Variants in DNAH7 observed in about 807,000 individuals in gnomAD.
DNAH7 encodes dynein axonemal heavy chain 7.
Under a neutral mutation model 444.6 loss-of-function variants are expected in DNAH7, and 397 were observed. That is an observed-to-expected ratio of 0.89 (90% confidence interval 0.82 to 0.97). DNAH7 has a LOEUF of 0.97. DNAH7 is among the 50% of genes least tolerant of loss of function. DNAH7 has a pLI of 0.00. For missense variants in DNAH7, 4,902 were observed against 4,800.8 expected, an observed-to-expected ratio of 1.02 and a Z score of -0.62; for synonymous variants, 1,636 against 1,624.4, an observed-to-expected ratio of 1.01 and a Z score of -0.17.
chr2:195,865,411 T>A (rs941056674), intron 40 of DNAH7, among the ~76,000 whole-genome samples: 2 of 152,192 alleles, frequency 1.3e-5, no homozygotes, highest in Non-Finnish European at 2.9e-5. Flanking sequence ...GTTTCCTTTT[T>A]CTAAGATAGA....
intron 61 of DNAH7, among the ~76,000 whole-genome samples, chr2:195,764,007 T>C (rs754968630): frequency 6.6e-6 from 1 of 151,866 alleles, no homozygotes; most frequent in Non-Finnish European, 1.5e-5. Context: ...AACAAAATAC[T>C]AGCAAACTGA....
intron 13 of DNAH7, 142 bp downstream of exon 13, chr2:195,987,815 A>T: frequency 1.2e-6 from 1 of 824,332 alleles, no homozygotes; most frequent in Non-Finnish European, 1.8e-6. Flanking sequence ...CCACAATGCT[A>T]GGGACACATC....
At chr2:195,780,618 G>A (rs1695324130) in intron 58 of DNAH7, among the ~76,000 whole-genome samples, 1 of 151,946 alleles carries the variant, frequency 6.6e-6, no homozygotes. Flanking sequence ...ATGTGGTGGA[G>A]CAAGCACCTG....
chr2:195,792,979 G>C (rs899253469), intron 57 of DNAH7, among the ~76,000 whole-genome samples: 1 of 152,084 alleles, frequency 6.6e-6, no homozygotes, highest in Non-Finnish European at 1.5e-5. Flanking sequence ...ACCCAGGCTG[G>C]AGTGCAGTGG....
intron 63 of DNAH7, among the ~76,000 whole-genome samples, chr2:195,749,586 T>C (rs1006060025): frequency 2.6e-5 from 4 of 151,774 alleles, no homozygotes; most frequent in Admixed American, 2.0e-4. Flanking sequence ...CCAACCCAAA[T>C]GTCCAACAAT....
At chr2:196,019,370 ATTAT>A (rs1695230145) in intron 8 of DNAH7, 75 bp from the exon 9 acceptor site, 3 of 1,200,472 alleles carry the variant, frequency 2.5e-6, no homozygotes, top group African/African-American at 3.1e-5. Context: ...TTGGGTAATA[ATTAT>A]TTAATTTTAA....
Position 196,047,456 on chromosome 2 carries a change from G to C in DNAH7, c.294C>G (p.His98Gln), listed in dbSNP as rs1480653065. The change falls in exon 5 of 65, where the codon CAC becomes CAG. Residue 98 changes from histidine (H) to glutamine (Q), a missense_variant. Physicochemically the swap from His to Gln is conservative, Grantham distance 24. Coordinates refer to ENST00000312428, the MANE Select transcript of DNAH7 (RefSeq NM_018897.3). Reference sequence around the variant, plus strand: ...GTCCAACATAACTATCATCAACTTGGTGGGGTAATTTGCCCTTTTTTCCAA... The same window carrying C: ...GTCCAACATAACTATCATCAACTTGCTGGGGTAATTTGCCCTTTTTTCCAA... ...ERFGKKGKLP[H>Q]QVDDSYVGPS... 2 of 1,600,128 alleles carry C rather than the reference G, an allele frequency of 1.2e-6. No individual in the cohort carries two copies. Among genetic ancestry groups the C allele is most frequent in the African/African-American group, 2.7e-5 (2 of 74,370 alleles).
At chr2:195,790,337 T>C (rs1695820241) in intron 57 of DNAH7, among the ~76,000 whole-genome samples, 1 of 151,302 alleles carries the variant, frequency 6.6e-6, no homozygotes, top group African/African-American at 2.4e-5. Context: ...CTACAACTCA[T>C]AAAGAACCAA....
chr2:195,753,618 T>G (rs1379818381), intron 63 of DNAH7, among the ~76,000 whole-genome samples: 1 of 152,220 alleles, frequency 6.6e-6, no homozygotes, highest in Non-Finnish European at 1.5e-5. Flanking sequence ...TAACAGGCAC[T>G]TAGAGATTAA....
In DNAH7 at chr2:195,897,622, A is replaced by G. The variant is rs375598710; in HGVS notation, c.4647+45T>C. On this transcript the variant is annotated intron_variant, in intron 29 of 64. Coordinates refer to ENST00000312428, the MANE Select transcript of DNAH7 (RefSeq NM_018897.3). ...ACAACCTTAGACATGTGATAAATAC[A>G]TTATTATAAGAGTTTTGATGCATTG... 1,011 of 1,121,744 alleles carry G rather than the reference A, an allele frequency of 9.0e-4. 2 individuals are homozygous for G. The highest frequency in any genetic ancestry group is 8.6e-4 in the Non-Finnish European group (651 of 754,444). The allele number at this position is 1,121,744 out of a possible 1,614,324, so 69.5% of individuals were successfully genotyped here. A position where few individuals can be genotyped will look rare whatever the true frequency, so the allele number is the denominator to read the frequency against.
chr2:196,034,803 T>C (rs1045156951), intron 5 of DNAH7, among the ~76,000 whole-genome samples: 1 of 152,276 alleles, frequency 6.6e-6, no homozygotes, highest in East Asian at 1.9e-4. Flanking sequence ...TGCCAAAAAA[T>C]TGAACATCAA....
intron 5 of DNAH7, among the ~76,000 whole-genome samples, chr2:196,044,082 A>G (rs1487444616): frequency 6.6e-6 from 1 of 152,048 alleles, no homozygotes; most frequent in African/African-American, 2.4e-5. Context: ...ATAAGTCATT[A>G]TATAAAAAAG....
rs952055164 is a variant in DNAH7, at chr2:195,910,215, C to T, written c.3936-20G>A. The T allele has an allele frequency of 5.1e-6, 8 of 1,554,070 alleles. No homozygotes were observed. The highest frequency in any genetic ancestry group is 7.0e-6 in the Non-Finnish European group (8 of 1,149,710). On this transcript the variant is annotated intron_variant, in intron 24 of 64. Transcript: ENST00000312428. ...AAGGTTCTGAAACATATGAAATAGA[C>T]ATTCTTTGTAGAATAATGTGATTTT... is the stretch of plus-strand genomic sequence containing the variant.
chr2:196,047,357 G>T lies in DNAH7; in HGVS notation c.393C>A (p.Val131=). 1 of 1,588,720 alleles carries T rather than the reference G, an allele frequency of 6.3e-7. No individual in the cohort carries two copies. The highest frequency in any genetic ancestry group is 1.7e-5 in the Admixed American group (1 of 57,960). ...GGTTAGCCTATACAACTTACATAATGACATTAACAAGAGTACTTCTAAAGT... is the reference window on the plus strand; with the variant it reads ...GGTTAGCCTATACAACTTACATAATTACATTAACAAGAGTACTTCTAAAGT... ...RENFRSTLVN[V]IMQQDADLDS... The change falls in exon 5 of 65, where the codon GTC becomes GTA. Residue 131 remains valine (V), a synonymous_variant. Transcript: ENST00000312428.
At chr2:195,888,085 T>C (rs1701807036) in intron 33 of DNAH7, among the ~76,000 whole-genome samples, 173 bp downstream of exon 33, 1 of 152,158 alleles carries the variant, frequency 6.6e-6, no homozygotes, top group Admixed American at 6.5e-5. Flanking sequence ...TATACCTCAT[T>C]TGAAATATTT....
chr2:195,885,443 G>A (rs1026616062), intron 34 of DNAH7, among the ~76,000 whole-genome samples: 31 of 152,144 alleles, frequency 2.0e-4, no homozygotes, highest in Admixed American at 7.9e-4. Flanking sequence ...GCTCATAAAA[G>A]TTCTGGACTC....
At chr2:196,038,655 G>A (rs933580521) in intron 5 of DNAH7, among the ~76,000 whole-genome samples, 4 of 152,110 alleles carry the variant, frequency 2.6e-5, no homozygotes, top group African/African-American at 7.2e-5. Flanking sequence ...ATGCAAATGG[G>A]AACCAAAAAC....
Position 195,900,844 on chromosome 2 carries a change from T to C in DNAH7, c.4336-350A>G, listed in dbSNP as rs571802753. 188 of 191,024 alleles carry C rather than the reference T, an allele frequency of 9.8e-4. 2 individuals are homozygous for C. Among genetic ancestry groups the C allele is most frequent in the African/African-American group, 4.2e-3 (178 of 42,138 alleles). The allele number at this position is 191,024 out of a possible 1,614,324, so 11.8% of individuals were successfully genotyped here. A position where few individuals can be genotyped will look rare whatever the true frequency, so the allele number is the denominator to read the frequency against. On this transcript the variant is annotated intron_variant, in intron 27 of 64. Coordinates refer to ENST00000312428, the MANE Select transcript of DNAH7 (RefSeq NM_018897.3). ...AATAAATGATAAATATTTGAGGTGA[T>C]AGATACACTATACCCTGATTTGATC... is the stretch of plus-strand genomic sequence containing the variant.
chr2:196,059,597 A>G (rs192566488), intron 1 of DNAH7, among the ~76,000 whole-genome samples: 16 of 152,336 alleles, frequency 1.1e-4, no homozygotes, highest in Non-Finnish European at 1.2e-4. Context: ...GGCTGCCAGC[A>G]GTCAGCAACC....
Sources: allele counts gnomAD v4.1 joint callset (sites outside exome capture counted in the v4.1 genomes callset), GRCh38; gene constraint gnomAD v4.1.1; transcripts MANE v1.5; gene names NCBI Gene and HGNC (gene_info 2026-07-23, HGNC 2026-07-21).